RILPL1: variants seen among roughly 807,000 people sequenced by gnomAD.
The protein encoded by RILPL1 is Rab interacting lysosomal protein like 1, also known as RILP-like protein 1.
A neutral mutation model predicts 50.3 loss-of-function variants in RILPL1; 33 were observed. The observed-to-expected ratio is 0.66, with a 90% CI of 0.50 to 0.88. The LOEUF (loss-of-function observed/expected upper bound fraction) is 0.88. Ranked by LOEUF, RILPL1 falls within the 40% of genes least tolerant of loss-of-function variation. The pLI is 0.00. For missense variants in RILPL1, 418 were observed against 542.5 expected (o/e 0.77, Z 2.28); for synonymous variants, 205 against 228.6 (o/e 0.90, Z 0.93).
chr12:123,481,516 TGTGG>T (rs1881998716), intron 6 of RILPL1, among the ~76,000 whole-genome samples: 1 of 151,606 alleles, frequency 6.6e-6, no homozygotes, highest in African/African-American at 2.4e-5. Flanking sequence ...AGCCCCACGC[TGTGG>T]CAAGTTGGAA....
chr12:123,528,628 C>T (rs1168342586), intron 1 of RILPL1, among the ~76,000 whole-genome samples: 1 of 151,852 alleles, frequency 6.6e-6, no homozygotes, highest in East Asian at 2.0e-4. Context: ...GGGGTTTCAC[C>T]GTGTTAGCCA....
At chr12:123,520,282 G>T (rs558594378) in intron 2 of RILPL1, among the ~76,000 whole-genome samples, 1 of 152,344 alleles carries the variant, frequency 6.6e-6, no homozygotes, top group South Asian at 2.1e-4. Context: ...GGCAAGGCTG[G>T]GAGTGGTGGC....
chr12:123,504,568 T>C (rs1295962257), intron 2 of RILPL1, among the ~76,000 whole-genome samples: 1 of 152,132 alleles, frequency 6.6e-6, no homozygotes, highest in Admixed American at 6.6e-5. Flanking sequence ...GACAGATGCC[T>C]GAGGCTGGCC....
chr12:123,499,477 GTTGT>G lies in RILPL1; in HGVS notation c.516_519del (p.Lys172AsnfsTer14). On this transcript the variant is annotated frameshift_variant, in exon 3 of 7. Coordinates refer to ENST00000376874, the MANE Select transcript of RILPL1 (RefSeq NM_178314.5). LOFTEE classifies it high-confidence loss of function. ...CTGTCCTTGGCGCGGATCTCGTCGCGTTGTTTGTCCACCACCTCCTTCAGCTTCT... is the reference window on the plus strand; with the variant it reads ...CTGTCCTTGGCGCGGATCTCGTCGCGTTGTCCACCACCTCCTTCAGCTTCT... 6.2e-7 allele frequency: 1 copy of G among 1,613,924 alleles called. No homozygotes were observed. Among genetic ancestry groups the G allele is most frequent in the Non-Finnish European group, 8.5e-7 (1 of 1,179,868 alleles).
chr12:123,475,680 G>A (rs756008079), intron 6 of RILPL1: 110 of 1,591,064 alleles, frequency 6.9e-5, no homozygotes, highest in Non-Finnish European at 6.0e-5. Flanking sequence ...ACAAGTCGTC[G>A]GACAGGCTGC....
Position 123,522,313 on chromosome 12 carries a change from G to T in RILPL1, c.460+1182C>A, listed in dbSNP as rs1020500492. On this transcript the variant is annotated intron_variant, in intron 2 of 6. Transcript: ENST00000376874. The surrounding 1 kb of genome is among the most constrained non-coding windows in gnomAD (Gnocchi z 4.0). ...TGCCGCCCACAGCCCCGCCTGGCCC[G>T]AATCTTGCGGCCCATTTGTCCTTTT... Among the ~76,000 whole-genome samples the T allele has an allele frequency of 6.6e-6, 1 of 152,210 alleles. No individual in the cohort carries two copies. The highest frequency in any genetic ancestry group is 1.5e-5 in the Non-Finnish European group (1 of 68,042).
chr12:123,509,599 T>C (rs1404139246), intron 2 of RILPL1, among the ~76,000 whole-genome samples: 1 of 150,268 alleles, frequency 6.7e-6, no homozygotes, highest in Non-Finnish European at 1.5e-5. Context: ...TCCTGTCACA[T>C]GCTGCCACGT....
In RILPL1 at chr12:123,472,430, G is replaced by A; in HGVS notation, c.*108C>T. 3 of 1,221,616 alleles carry A rather than the reference G, an allele frequency of 2.5e-6. No homozygotes were observed. Among genetic ancestry groups the A allele is most frequent in the Non-Finnish European group, 3.4e-6 (3 of 878,130 alleles). The allele number at this position is 1,221,616 out of a possible 1,614,324, so 75.7% of individuals were successfully genotyped here. A position where few individuals can be genotyped will look rare whatever the true frequency, so the allele number is the denominator to read the frequency against. ...GTCTGTTTGAGGGGTCAGTTTTCAG[G>A]GTGCATCTGCACCGAGAGGCTTGAG... is the stretch of plus-strand genomic sequence containing the variant. On this transcript the variant is annotated 3_prime_UTR_variant, in exon 7 of 7. Coordinates refer to ENST00000376874, the MANE Select transcript of RILPL1 (RefSeq NM_178314.5).
At chr12:123,523,209 C>A (rs1593605462) in intron 2 of RILPL1, among the ~76,000 whole-genome samples, 1 of 152,268 alleles carries the variant, frequency 6.6e-6, no homozygotes, top group South Asian at 2.1e-4. Context: ...GGCAGGGTCT[C>A]TGTCACGTTT....
In RILPL1 at chr12:123,489,848, G is replaced by A. The variant is rs1882575835; in HGVS notation, c.802-4043C>T. 6.6e-6 allele frequency among the ~76,000 whole-genome samples: 1 copy of A among 152,158 alleles called. No homozygotes were observed. Among genetic ancestry groups the A allele is most frequent in the African/African-American group, 2.4e-5 (1 of 41,440 alleles). The stretch of plus-strand genomic sequence containing the variant: ...CAAACTAAGCTCTTAGACCATCCCA[G>A]TGCTGCTGGCCCACATTTTGTTTGG... On this transcript the variant is annotated intron_variant, in intron 4 of 6. Coordinates refer to ENST00000376874, the MANE Select transcript of RILPL1 (RefSeq NM_178314.5). This position sits in a 1 kb window ranked among gnomAD's most constrained non-coding sequence, Gnocchi z 4.0.
intron 2 of RILPL1, chr12:123,513,773 TG>T (rs997755128): frequency 6.6e-6 from 1 of 152,182 alleles, no homozygotes; most frequent in African/African-American, 2.4e-5. Context: ...TGTTAAAAGC[TG>T]GAAGAGTTGT....
intron 6 of RILPL1, chr12:123,475,794 GA>G: frequency 7.6e-7 from 1 of 1,308,042 alleles, no homozygotes; most frequent in Non-Finnish European, 1.1e-6. Flanking sequence ...ATAAAAACGG[GA>G]GGCATGAAAA....
intron 2 of RILPL1, among the ~76,000 whole-genome samples, chr12:123,512,475 G>C (rs1593587422): frequency 7.0e-6 from 1 of 143,630 alleles, no homozygotes; most frequent in African/African-American, 2.6e-5. Flanking sequence ...TGTGAGGGCT[G>C]TGTGTGAGGT....
At chr12:123,500,339 A>G (rs1593563415) in intron 2 of RILPL1, among the ~76,000 whole-genome samples, 2 of 124,650 alleles carry the variant, frequency 1.6e-5, no homozygotes, top group African/African-American at 6.4e-5. Context: ...GCTGGAGTGT[A>G]GTGGTACAAT....
intron 4 of RILPL1, among the ~76,000 whole-genome samples, chr12:123,493,334 T>C (rs1437859475): frequency 6.6e-6 from 1 of 152,154 alleles, no homozygotes; most frequent in Non-Finnish European, 1.5e-5. Context: ...CTGCTGACCC[T>C]CTCCCCACTA....
rs1882682446 is a variant in RILPL1, at chr12:123,491,426, G to A, written c.802-5621C>T. ...CCACGAGGCTGCCCAGAGGCCTTAG[G>A]GAGGCAGCATCCTGGGTCAGGGCCT... On this transcript the variant is annotated intron_variant, in intron 4 of 6. Transcript: ENST00000376874. This position sits in a 1 kb window ranked among gnomAD's most constrained non-coding sequence, Gnocchi z 4.0. 6.6e-6 allele frequency among the ~76,000 whole-genome samples: 1 copy of A among 152,198 alleles called. No individual in the cohort carries two copies. Among genetic ancestry groups the A allele is most frequent in the African/African-American group, 2.4e-5 (1 of 41,452 alleles).
In RILPL1 at chr12:123,485,619, C is replaced by A; in HGVS notation, c.974+14G>T. The A allele has an allele frequency of 1.2e-6, 2 of 1,612,928 alleles. No homozygotes were observed. The highest frequency in any genetic ancestry group is 1.7e-6 in the Non-Finnish European group (2 of 1,179,434). The stretch of plus-strand genomic sequence containing the variant: ...AGGAGCCAGCTCGGGCCATCCAGCC[C>A]CAGGGACACTTGCCTCTTATAGTAA... On this transcript the variant is annotated intron_variant, in intron 5 of 6. Coordinates refer to ENST00000376874, the MANE Select transcript of RILPL1 (RefSeq NM_178314.5). This position sits in a 1 kb window ranked among gnomAD's most constrained non-coding sequence, Gnocchi z 4.0.
In RILPL1 at chr12:123,499,492, C is replaced by T; in HGVS notation, c.505G>A (p.Val169Met). Residue 169 changes from valine to methionine, a missense_variant, in exon 3 of 7, where the codon GTG becomes ATG. By Grantham distance (21) the Val-to-Met change is conservative. Coordinates refer to ENST00000376874, the MANE Select transcript of RILPL1 (RefSeq NM_178314.5). ...ERQVMKKLKE[V>M]VDKQRDEIRA... The stretch of plus-strand genomic sequence containing the variant: ...ATCTCGTCGCGTTGTTTGTCCACCA[C>T]CTCCTTCAGCTTCTTCATCACCTGT... 2 of 1,614,012 alleles carry T rather than the reference C, an allele frequency of 1.2e-6. No homozygotes were observed. Among genetic ancestry groups the T allele is most frequent in the Non-Finnish European group, 1.7e-6 (2 of 1,179,892 alleles).
At chr12:123,521,619 G>C (rs1236918593) in intron 2 of RILPL1, among the ~76,000 whole-genome samples, 16 of 89,138 alleles carry the variant, frequency 1.8e-4, no homozygotes, top group African/African-American at 5.8e-4. Context: ...ACACATATGT[G>C]TATATATATA....
Sources: gnomAD v4.1 joint callset for allele counts (sites outside exome capture counted in the v4.1 genomes callset) on GRCh38, gnomAD v4.1.1 for gene constraint, Gnocchi (gnomAD v3.1) non-coding constraint, MANE v1.5 for transcripts, NCBI Gene and HGNC (gene_info 2026-07-23, HGNC 2026-07-21) for gene names.